Variants in ADCY10 observed in about 807,000 individuals in gnomAD.
ADCY10 encodes adenylate cyclase type 10.
ADCY10 carries 156 observed loss-of-function variants against 183.3 expected under a neutral mutation model. That is an observed-to-expected ratio of 0.85 (90% CI 0.75 to 0.97). The LOEUF is 0.97. Ranked by LOEUF, ADCY10 falls within the 50% of genes least tolerant of loss-of-function variation. The pLI is 0.00. For synonymous variants in ADCY10, 645 were observed against 670.0 expected (o/e 0.96, Z 0.58); for missense variants, 1,745 against 1,934.3 (o/e 0.90, Z 1.84).
At chr1:167,825,354 T>C (rs888180010) in intron 26 of ADCY10, among the ~76,000 whole-genome samples, 1 of 151,566 alleles carries the variant, frequency 6.6e-6, no homozygotes, top group Non-Finnish European at 1.5e-5. Context: ...GGACTAGTTT[T>C]AAACCTAATT....
chr1:167,901,248 T>C (rs1669400265), intron 5 of ADCY10, among the ~76,000 whole-genome samples: 1 of 152,208 alleles, frequency 6.6e-6, no homozygotes, highest in South Asian at 2.1e-4. Context: ...CACCTCATTC[T>C]TATGAGGTAG....
rs556635933 is a variant in ADCY10, at chr1:167,872,005, A to C, written c.1463-1595T>G. Among the ~76,000 whole-genome samples, 8 of 152,316 alleles carry C rather than the reference A, an allele frequency of 5.3e-5. No individual in the cohort carries two copies. In the East Asian group the frequency reaches 1.3e-3, roughly 26 times the overall value. On this transcript the variant is annotated intron_variant, in intron 13 of 32. Coordinates refer to ENST00000367851, the MANE Select transcript of ADCY10 (RefSeq NM_018417.6). ...CTGCACGTTGTGCATTGTGTACCCT[A>C]GAACTTAAAGTATAATAATAAAAAA...
chr1:167,901,000 C>CT (rs1476520980), intron 5 of ADCY10, among the ~76,000 whole-genome samples: 1 of 152,192 alleles, frequency 6.6e-6, no homozygotes, highest in Admixed American at 6.5e-5. Flanking sequence ...AACCATAACT[C>CT]TGTTACTCAT....
intron 21 of ADCY10, among the ~76,000 whole-genome samples, 165 bp from the exon 22 acceptor site, chr1:167,837,483 G>T (rs1230142392): frequency 6.6e-6 from 1 of 152,198 alleles, no homozygotes; most frequent in Non-Finnish European, 1.5e-5. Context: ...CACGTGATGA[G>T]TTCTCACAAT....
intron 13 of ADCY10, among the ~76,000 whole-genome samples, chr1:167,872,577 CTATT>C (rs1667182846): frequency 1.3e-5 from 2 of 151,748 alleles, no homozygotes; most frequent in Non-Finnish European, 1.5e-5. Flanking sequence ...TAAAAAGCCA[CTATT>C]TATTTATTAT....
chr1:167,872,168 G>A (rs761414549), intron 13 of ADCY10, among the ~76,000 whole-genome samples: 6 of 152,116 alleles, frequency 3.9e-5, no homozygotes, highest in Middle Eastern at 6.8e-3. Flanking sequence ...GAGAAACCCC[G>A]TCTCTATTAA....
Position 167,820,096 on chromosome 1 carries a change from C to T in ADCY10, c.4287-1829G>A, listed in dbSNP as rs917136681. 1.5e-5 allele frequency: 23 copies of T among 1,572,142 alleles called. No homozygotes were observed. The Admixed American group carries it at 2.8e-4, about 19-fold the overall frequency. ...TGAGATAAAATTTGGCTATGGTTGTCCTGACATCAACGTTTCCTTTTGGAC... is the reference window on the plus strand; with the variant it reads ...TGAGATAAAATTTGGCTATGGTTGTTCTGACATCAACGTTTCCTTTTGGAC... On this transcript the variant is annotated intron_variant, in intron 30 of 32. Transcript: ENST00000367851.
chr1:167,833,606 G>A (rs780206916), intron 24 of ADCY10, among the ~76,000 whole-genome samples: 2 of 152,050 alleles, frequency 1.3e-5, no homozygotes, highest in Non-Finnish European at 2.9e-5. Flanking sequence ...TTAGCTGGGC[G>A]TGGTGGCGCA....
At chr1:167,840,367 A>ATT (rs546653110) in intron 21 of ADCY10, among the ~76,000 whole-genome samples, 1 of 147,510 alleles carries the variant, frequency 6.8e-6, no homozygotes. Flanking sequence ...TATTATTACT[A>ATT]TTTTTTTTGG....
chr1:167,881,457 G>C (rs931019983), intron 9 of ADCY10, among the ~76,000 whole-genome samples: 2 of 152,186 alleles, frequency 1.3e-5, no homozygotes, highest in African/African-American at 4.8e-5. Context: ...ATCTTAAAAA[G>C]GACTGGGATC....
chr1:167,909,969 C>T (rs1262590059), intron 1 of ADCY10, among the ~76,000 whole-genome samples: 2 of 151,972 alleles, frequency 1.3e-5, no homozygotes, highest in Non-Finnish European at 2.9e-5. Context: ...GATTAACCCC[C>T]ATTCTAACCA....
chr1:167,818,423 A>C (rs761917403), intron 30 of ADCY10, 156 bp from the exon 31 acceptor site: 19 of 778,064 alleles, frequency 2.4e-5, no homozygotes, highest in African/African-American at 2.4e-4. Flanking sequence ...CTAAAAAAGC[A>C]GGAAATTATG....
At chr1:167,908,482 C>CT (rs916663381) in intron 1 of ADCY10, among the ~76,000 whole-genome samples, 9 of 152,034 alleles carry the variant, frequency 5.9e-5, no homozygotes, top group African/African-American at 2.2e-4. Context: ...GAGATCTAAC[C>CT]TAGAGCAAGG....
intron 22 of ADCY10, 29 bp downstream of exon 22, chr1:167,837,220 A>T: frequency 6.4e-7 from 1 of 1,557,256 alleles, no homozygotes; most frequent in Non-Finnish European, 8.9e-7. Flanking sequence ...TTTATGCTCT[A>T]CTTCCTAAAC....
intron 7 of ADCY10, among the ~76,000 whole-genome samples, chr1:167,896,368 T>C (rs770117864): frequency 3.9e-5 from 6 of 152,168 alleles, no homozygotes; most frequent in East Asian, 1.9e-4. Flanking sequence ...TAATGTTTGA[T>C]GGATGAGGGA....
At chr1:167,823,168 T>C in intron 28 of ADCY10, 45 bp from the exon 29 acceptor site, 1 of 1,550,588 alleles carries the variant, frequency 6.4e-7, no homozygotes, top group Non-Finnish European at 8.9e-7. Context: ...TGGTGGATAT[T>C]GTAATCCCAG....
At chr1:167,856,470 C>A (rs1168994755) in intron 16 of ADCY10, 31 bp from the exon 17 acceptor site, 1 of 1,612,906 alleles carries the variant, frequency 6.2e-7, no homozygotes, top group African/African-American at 1.3e-5. Context: ...GAAAGAGAAA[C>A]ACCATAGGAC....
At chr1:167,819,801 G>A in intron 30 of ADCY10, 1 of 553,062 alleles carries the variant, frequency 1.8e-6, no homozygotes, top group Non-Finnish European at 3.2e-6. Context: ...CCGACCTCAG[G>A]TGATCTGCCG....
At chr1:167,815,396 C>A (rs940489830) in intron 31 of ADCY10, among the ~76,000 whole-genome samples, 1 of 152,186 alleles carries the variant, frequency 6.6e-6, no homozygotes, top group African/African-American at 2.4e-5. Flanking sequence ...TAGAGTCTAA[C>A]TGATCTTGGG....
Sources: allele counts gnomAD v4.1 joint callset (sites outside exome capture counted in the v4.1 genomes callset), GRCh38; gene constraint gnomAD v4.1.1; transcripts MANE v1.5; gene names NCBI Gene and HGNC (gene_info 2026-07-23, HGNC 2026-07-21).